The following KCTD1 variants were observed in gnomAD, a reference collection of about 807,000 sequenced individuals.
KCTD1 encodes potassium channel tetramerization domain containing 1.
A neutral mutation model predicts 66.0 loss-of-function variants in KCTD1; 24 were observed. That is an observed-to-expected ratio of 0.36 (90% CI 0.26 to 0.51). The LOEUF (loss-of-function observed/expected upper bound fraction) is 0.51, where lower values mean the gene tolerates loss of function less well. KCTD1 is among the 20% of genes least tolerant of loss of function. The probability of loss-of-function intolerance (pLI) is 0.95; values close to 1 mark genes in which losing one functional copy is unlikely to be tolerated. For synonymous variants in KCTD1, 511 were observed against 517.2 expected (o/e 0.99, Z 0.16); for missense variants, 943 against 1,205.2 (o/e 0.78, Z 3.22).
Position 26,459,782 on chromosome 18 carries a change from G to A in KCTD1, c.2277C>T (p.Leu759=), listed in dbSNP as rs188160241. 5.0e-5 allele frequency: 81 copies of A among 1,614,126 alleles called. No individual in the cohort carries two copies. Among genetic ancestry groups the A allele is most frequent in the Admixed American group, 1.3e-4 (8 of 60,012 alleles). ...CACCGCTTAGCGTGATCCTTTCTCC[G>A]AGGTCTGGGGCCACACGCACGACGA... ...ECLVVRVAPD[L]GERITLSGDK... is the part of the protein sequence containing the mutation. Residue 759 remains leucine (L), a synonymous_variant, in exon 4 of 5, where the codon CTC becomes CTT. Coordinates refer to ENST00000580059, the MANE Select transcript of KCTD1 (RefSeq NM_001142730.3).
At chr18:26,526,795 A>G (rs753029438) in intron 1 of KCTD1, among the ~76,000 whole-genome samples, 32 of 152,192 alleles carry the variant, frequency 2.1e-4, no homozygotes, top group Non-Finnish European at 2.9e-4. Context: ...GTGTGGATTA[A>G]AAGCAGCTTA....
chr18:26,655,032 T>C (rs1270102100), intron 1 of KCTD1, among the ~76,000 whole-genome samples: 1 of 152,366 alleles, frequency 6.6e-6, no homozygotes, highest in African/African-American at 2.4e-5. Context: ...ATTCACCAAG[T>C]AGGCTATTAG....
chr18:26,599,777 T>C (rs1370904757), intron 1 of KCTD1: 1 of 1,577,254 alleles, frequency 6.3e-7, no homozygotes, highest in East Asian at 2.2e-5. Flanking sequence ...TCTGGTCTTG[T>C]GGAAGTGAAA....
rs61521451 is a variant in KCTD1, at chr18:26,601,326, T to TAAA, written c.-16+27818_-16+27820dup. Among the ~76,000 whole-genome samples the TAAA allele has an allele frequency of 2.9e-3, 273 of 93,218 alleles. 12 individuals are homozygous for TAAA. The highest frequency in any genetic ancestry group is 0.016 in the Middle Eastern group (2 of 122). The allele number at this position is 93,218 out of a possible 152,430, so 61.2% of individuals were successfully genotyped here. A position where few individuals can be genotyped will look rare whatever the true frequency, so the allele number is the denominator to read the frequency against. The stretch of plus-strand genomic sequence containing the variant: ...GCCAGTAAATAAAAGTGTTCATTGG[T>TAAA]AAAAAAAAAAAAAAAAAAAAAAAGA... On this transcript the variant is annotated intron_variant, in intron 1 of 4. Transcript: ENST00000317932.
At chr18:26,555,852 A>G (rs1985695568) in intron 1 of KCTD1, among the ~76,000 whole-genome samples, 1 of 152,218 alleles carries the variant, frequency 6.6e-6, no homozygotes, top group Non-Finnish European at 1.5e-5. Context: ...AAAGGGCAAA[A>G]CAAGATAAAT....
intron 1 of KCTD1, among the ~76,000 whole-genome samples, chr18:26,628,262 G>GT (rs1987545346): frequency 6.6e-6 from 1 of 151,846 alleles, no homozygotes; most frequent in South Asian, 2.1e-4. Flanking sequence ...GTCATTTTTG[G>GT]TAACAGGCCA....
chr18:26,549,344 T>G (rs546046709), upstream of KCTD1: 1 of 985,312 alleles, frequency 1.0e-6, no homozygotes, highest in East Asian at 1.1e-4. Flanking sequence ...GTCAGCCACA[T>G]CCCTTTCGAC....
At chr18:26,479,352 C>A (rs1175733164) in intron 2 of KCTD1, among the ~76,000 whole-genome samples, 5 of 152,070 alleles carry the variant, frequency 3.3e-5, no homozygotes, top group Non-Finnish European at 7.4e-5. Flanking sequence ...GGGGTCCAGT[C>A]AAAGGGCAGC....
At chr18:26,592,123 G>A (rs1404882907) in intron 1 of KCTD1, among the ~76,000 whole-genome samples, 1 of 152,052 alleles carries the variant, frequency 6.6e-6, no homozygotes, top group Non-Finnish European at 1.5e-5. Flanking sequence ...CTCATACAGA[G>A]CTTCGTCACT....
chr18:26,620,716 G>A (rs62085522), intron 1 of KCTD1, among the ~76,000 whole-genome samples: 8,256 of 152,066 alleles, frequency 0.054, 280 homozygotes, highest in East Asian at 0.082. Flanking sequence ...GATTACAGGT[G>A]TGAGGCACTG....
Position 26,591,761 on chromosome 18 carries a change from C to T in KCTD1, c.-16+37386G>A, listed in dbSNP as rs188891524. Among the ~76,000 whole-genome samples, 342 of 152,188 alleles carry T rather than the reference C, an allele frequency of 2.2e-3. 1 individual carries two copies. The highest frequency in any genetic ancestry group is 7.8e-3 in the African/African-American group (325 of 41,518). On this transcript the variant is annotated intron_variant, in intron 1 of 4. Coordinates refer to the KCTD1 transcript ENST00000317932. ...TCTTGGGACACTAAATTATCTAATT[C>T]GAACCACCGAACTTTATATTCCTCT...
chr18:26,619,421 A>C (rs1490958112), intron 1 of KCTD1, among the ~76,000 whole-genome samples: 1 of 152,250 alleles, frequency 6.6e-6, no homozygotes, highest in Non-Finnish European at 1.5e-5. Flanking sequence ...GAGACCACTA[A>C]TAACATTTTG....
At chr18:26,508,190 T>C (rs1983145713) in intron 1 of KCTD1, among the ~76,000 whole-genome samples, 1 of 152,196 alleles carries the variant, frequency 6.6e-6, no homozygotes, top group Admixed American at 6.5e-5. Context: ...TTTTCCCATA[T>C]CTGTCCTGTA....
At chr18:26,648,416 G>C (rs1987969183) in intron 1 of KCTD1, among the ~76,000 whole-genome samples, 1 of 152,196 alleles carries the variant, frequency 6.6e-6, no homozygotes, top group African/African-American at 2.4e-5. Context: ...TTATCGCTAA[G>C]TCAGTTACAG....
rs1014988344 is a variant in KCTD1 at position 26,558,431 on chromosome 18, C to T, written c.-15-57181G>A. Among the ~76,000 whole-genome samples the T allele has an allele frequency of 2.0e-5, 3 of 152,268 alleles. No individual in the cohort carries two copies. The South Asian group carries it at 6.2e-4, about 32-fold the overall frequency. ...AAAAACTAAAAATAGAGCTTCCATACAATCCAGCAATCCCACTGCTGGATA... is the reference window on the plus strand; with the variant it reads ...AAAAACTAAAAATAGAGCTTCCATATAATCCAGCAATCCCACTGCTGGATA... On this transcript the variant is annotated intron_variant, in intron 1 of 4. Coordinates refer to the KCTD1 transcript ENST00000317932.
At chr18:26,497,514 C>A (rs1982540452) in intron 2 of KCTD1, among the ~76,000 whole-genome samples, 1 of 152,158 alleles carries the variant, frequency 6.6e-6, no homozygotes. Flanking sequence ...GGAAGGAGCA[C>A]CCGACGCTAT....
At chr18:26,641,363 T>C (rs144656729), upstream of KCTD1, among the ~76,000 whole-genome samples, 1 of 152,312 alleles carries the variant, frequency 6.6e-6, no homozygotes, top group East Asian at 1.9e-4. Context: ...ACTTGTATAG[T>C]TTGGATTTTT....
At chr18:26,629,268 C>T (rs1434006757), upstream of KCTD1, 2 of 941,150 alleles carry the variant, frequency 2.1e-6, no homozygotes, top group African/African-American at 1.8e-5. Flanking sequence ...AAAATTGGGC[C>T]AGCCCATGAC....
intron 1 of KCTD1, among the ~76,000 whole-genome samples, chr18:26,613,602 C>T (rs1411877917): frequency 6.6e-6 from 1 of 152,190 alleles, no homozygotes; most frequent in Admixed American, 6.5e-5. Context: ...AAAGTGTCCA[C>T]AGAAAGCTAA....
Sources: allele counts gnomAD v4.1 joint callset (sites outside exome capture counted in the v4.1 genomes callset), GRCh38; gene constraint gnomAD v4.1.1; transcripts MANE v1.5; gene names NCBI Gene and HGNC (gene_info 2026-07-23, HGNC 2026-07-21).